Variants in LRRIQ1 observed in about 807,000 individuals in gnomAD.
LRRIQ1 encodes leucine-rich repeat- and IQ domain-containing protein 1.
A neutral mutation model predicts 211.9 loss-of-function variants in LRRIQ1; 210 were observed. The ratio of observed to expected loss-of-function variants is 0.99; its 90% confidence interval spans 0.89 to 1.11. The LOEUF (loss-of-function observed/expected upper bound fraction) is 1.11, where lower values mean the gene tolerates loss of function less well. Ranked by LOEUF, LRRIQ1 falls within the 50% of genes most tolerant of loss-of-function variation. LRRIQ1 has a pLI of 0.00. For synonymous variants in LRRIQ1, 699 were observed against 650.1 expected, an observed-to-expected ratio of 1.08 and a Z score of -1.14; for missense variants, 2,136 against 1,939.5, an observed-to-expected ratio of 1.10 and a Z score of -1.90.
intron 11 of LRRIQ1, among the ~76,000 whole-genome samples, chr12:85,080,322 T>C (rs1239159487): frequency 1.3e-5 from 2 of 151,988 alleles, no homozygotes; most frequent in Admixed American, 6.6e-5. Flanking sequence ...AGTGTCTGTA[T>C]TCAATGTTGA....
intron 8 of LRRIQ1, among the ~76,000 whole-genome samples, chr12:85,063,737 C>G (rs1183094181): frequency 2.6e-5 from 4 of 151,618 alleles, no homozygotes; most frequent in African/African-American, 9.7e-5. Flanking sequence ...ACTTTCTAAT[C>G]CTATGAGTTC....
chr12:85,102,403 T>C (rs996178380), intron 13 of LRRIQ1, among the ~76,000 whole-genome samples: 1 of 151,846 alleles, frequency 6.6e-6, no homozygotes, highest in Non-Finnish European at 1.5e-5. Flanking sequence ...TTCTCACTTT[T>C]ATTACCTTGG....
chr12:85,236,853 A>ATATATATATATATATG, intron 26 of LRRIQ1, among the ~76,000 whole-genome samples: 1 of 144,124 alleles, frequency 6.9e-6, no homozygotes, highest in Non-Finnish European at 1.5e-5. Flanking sequence ...ATATATATAT[A>ATATATATATATATATG]TATCTCCCAG....
chr12:85,047,246 G>A lies in LRRIQ1; in HGVS notation c.455-1G>A, dbSNP rs1167847514. On this transcript the variant is annotated splice_acceptor_variant, in intron 5 of 26. Transcript: ENST00000393217. LOFTEE classifies it high-confidence loss of function. ...GATGTTATTTTTCTTCATGAGTGCA[G>A]ATGATGCTGATATAAATTTTGGATA... is the stretch of plus-strand genomic sequence containing the variant. 6.3e-7 allele frequency: 1 copy of A among 1,584,450 alleles called. No homozygotes were observed. The highest frequency in any genetic ancestry group is 2.2e-5 in the East Asian group (1 of 44,580).
At chr12:85,158,565 A>G (rs938313912) in intron 23 of LRRIQ1, among the ~76,000 whole-genome samples, 2 of 152,002 alleles carry the variant, frequency 1.3e-5, no homozygotes, top group African/African-American at 4.8e-5. Context: ...CTAATGCTTA[A>G]CTAAAATTAT....
At chr12:85,250,941 A>T (rs1339207716) in intron 1 of LRRIQ1, among the ~76,000 whole-genome samples, 2 of 104,524 alleles carry the variant, frequency 1.9e-5, no homozygotes, top group African/African-American at 4.1e-5. Context: ...ATTATATATA[A>T]TATATTTTAT....
intron 8 of LRRIQ1, among the ~76,000 whole-genome samples, chr12:85,064,803 T>A (rs989821175): frequency 6.6e-6 from 1 of 151,840 alleles, no homozygotes; most frequent in African/African-American, 2.4e-5. Context: ...CCAATGTATG[T>A]TCTTGGCACC....
At chr12:85,101,166 T>C (rs1886315986) in intron 13 of LRRIQ1, among the ~76,000 whole-genome samples, 1 of 151,852 alleles carries the variant, frequency 6.6e-6, no homozygotes, top group African/African-American at 2.4e-5. Context: ...TTAAATTATA[T>C]ATACTTTTCC....
At chr12:85,187,917 T>TA (rs1348708166) in intron 24 of LRRIQ1, among the ~76,000 whole-genome samples, 1 of 151,970 alleles carries the variant, frequency 6.6e-6, no homozygotes, top group Non-Finnish European at 1.5e-5. Context: ...GAGCACAATT[T>TA]AAAACCCTGA....
intron 1 of LRRIQ1, among the ~76,000 whole-genome samples, chr12:85,250,644 G>C (rs1332390005): frequency 6.7e-6 from 1 of 149,124 alleles, no homozygotes; most frequent in Non-Finnish European, 1.5e-5. Context: ...GGAAGCTGAG[G>C]TAGGAGGATC....
chr12:85,207,109 G>T (rs1030882808), intron 24 of LRRIQ1, among the ~76,000 whole-genome samples: 7 of 152,122 alleles, frequency 4.6e-5, no homozygotes, highest in African/African-American at 1.7e-4. Context: ...AGGTCTTACG[G>T]CATGAGTGGG....
intron 14 of LRRIQ1, among the ~76,000 whole-genome samples, chr12:85,104,889 T>C (rs1318867155): frequency 1.3e-5 from 2 of 152,062 alleles, no homozygotes; most frequent in Non-Finnish European, 2.9e-5. Context: ...TTGGAACATT[T>C]TACAACCACA....
At chr12:85,224,382 C>A (rs544819198) in intron 24 of LRRIQ1, among the ~76,000 whole-genome samples, 2 of 151,994 alleles carry the variant, frequency 1.3e-5, no homozygotes, top group Non-Finnish European at 2.9e-5. Flanking sequence ...ATCCCATTAG[C>A]GGGTATATAC....
intron 26 of LRRIQ1, among the ~76,000 whole-genome samples, chr12:85,244,402 A>G (rs1366788295): frequency 6.6e-6 from 1 of 151,622 alleles, no homozygotes; most frequent in African/African-American, 2.4e-5. Context: ...GCAACATATA[A>G]TTTTTGCAAA....
At chr12:85,077,584 C>G (rs1353118689) in intron 11 of LRRIQ1, among the ~76,000 whole-genome samples, 1 of 152,024 alleles carries the variant, frequency 6.6e-6, no homozygotes, top group African/African-American at 2.4e-5. Context: ...TTAATGGTAT[C>G]CTAAGATAGG....
In LRRIQ1 at chr12:85,044,781, A is replaced by G. The variant is rs141985607; in HGVS notation, c.308A>G (p.Tyr103Cys). ...TTAAGAACAGGACTATCAACTGAAT[A>G]TGAAGAAAGTTCAGAGCAATTAATT... ...MHLRTGLSTE[Y>C]EESSEQLIKI... Residue 103 changes from tyrosine to cysteine, a missense_variant, in exon 4 of 27, where the codon TAT (tyrosine) becomes TGT (cysteine). Coordinates refer to ENST00000393217, the MANE Select transcript of LRRIQ1 (RefSeq NM_001079910.2). 1.2e-4 allele frequency: 185 copies of G among 1,545,338 alleles called. No individual in the cohort carries two copies. The highest frequency in any genetic ancestry group is 1.6e-4 in the Non-Finnish European group (178 of 1,122,968).
chr12:85,091,795 A>G (rs1473523243), intron 11 of LRRIQ1, among the ~76,000 whole-genome samples: 1 of 152,168 alleles, frequency 6.6e-6, no homozygotes, highest in Non-Finnish European at 1.5e-5. Context: ...TTTGTTAAAT[A>G]TTAGATAATT....
intron 13 of LRRIQ1, among the ~76,000 whole-genome samples, chr12:85,101,726 CAGA>C (rs1886357382): frequency 2.6e-5 from 4 of 151,652 alleles, no homozygotes; most frequent in Admixed American, 2.6e-4. Context: ...ATTAAAATTT[CAGA>C]AGAAGAAAAC....
chr12:85,076,636 G>T (rs1324589692), intron 11 of LRRIQ1: 1 of 597,352 alleles, frequency 1.7e-6, no homozygotes, highest in African/African-American at 2.0e-5. Context: ...TTTTCACATA[G>T]GCTTGATTGC....
Sources: gnomAD v4.1 joint callset for allele counts (sites outside exome capture counted in the v4.1 genomes callset) on GRCh38, gnomAD v4.1.1 for gene constraint, MANE v1.5 for transcripts, NCBI Gene and HGNC (gene_info 2026-07-23, HGNC 2026-07-21) for gene names.